ZNF827: variants seen among roughly 807,000 people sequenced by gnomAD.
ZNF827 encodes the protein zinc finger protein 827.
A neutral mutation model predicts 102.4 loss-of-function variants in ZNF827; 13 were observed. The observed-to-expected ratio is 0.13, with a 90% CI of 0.08 to 0.20. The LOEUF (loss-of-function observed/expected upper bound fraction) is 0.20. ZNF827 is among the 10% of genes least tolerant of loss of function. The pLI is 1.00. For missense variants in ZNF827, 1,103 were observed against 1,344.4 expected, an observed-to-expected ratio of 0.82 and a Z score of 2.81; for synonymous variants, 523 against 536.2, an observed-to-expected ratio of 0.98 and a Z score of 0.34.
At position 145,853,768 on chromosome 4, in the gene ZNF827, C is replaced by T. The variant is rs143308716; in HGVS notation, c.1982-4207G>A. Among the ~76,000 whole-genome samples the T allele has an allele frequency of 2.6e-5, 4 of 152,124 alleles. No homozygotes were observed. In the East Asian group the frequency reaches 7.7e-4, roughly 29 times the overall value. The stretch of plus-strand genomic sequence containing the variant: ...TTGCATGAACCCAGCAGTTTGGAGA[C>T]CAGCCTGGCCAACATGGCAAAACCC... On this transcript the variant is annotated intron_variant, in intron 5 of 14. Coordinates refer to ENST00000508784, the MANE Select transcript of ZNF827 (RefSeq NM_001306215.2).
chr4:145,905,390 A>G (rs961496972), intron 1 of ZNF827, among the ~76,000 whole-genome samples: 1 of 152,244 alleles, frequency 6.6e-6, no homozygotes, highest in Non-Finnish European at 1.5e-5. Context: ...CTCTTTCACG[A>G]AGCTAAAATT....
intron 1 of ZNF827, among the ~76,000 whole-genome samples, chr4:145,937,811 G>C (rs1356435473): frequency 6.7e-6 from 1 of 149,924 alleles, no homozygotes; most frequent in Non-Finnish European, 1.5e-5. Flanking sequence ...AGCCAGGGAC[G>C]GACCTCTCCC....
chr4:145,780,060 G>C (rs894792213), intron 8 of ZNF827, among the ~76,000 whole-genome samples: 73 of 152,232 alleles, frequency 4.8e-4, no homozygotes, highest in African/African-American at 1.7e-3. Flanking sequence ...GCATGGTGGC[G>C]GGTGCCTGTA....
chr4:145,916,427 G>A (rs990100400), intron 1 of ZNF827, among the ~76,000 whole-genome samples: 2 of 152,174 alleles, frequency 1.3e-5, no homozygotes, highest in African/African-American at 4.8e-5. Context: ...GCAGCCCTAG[G>A]CAGCAAGCCC....
At chr4:145,805,816 G>A (rs1008632570) in intron 8 of ZNF827, among the ~76,000 whole-genome samples, 1 of 152,002 alleles carries the variant, frequency 6.6e-6, no homozygotes, top group African/African-American at 2.4e-5. Context: ...TGACGTCAGG[G>A]CCTTGTTGCT....
At chr4:145,810,993 CT>C (rs34011180) in intron 8 of ZNF827, among the ~76,000 whole-genome samples, 40,982 of 137,770 alleles carry the variant, frequency 0.3, 5,437 homozygotes, top group Middle Eastern at 0.33. Flanking sequence ...ACTCATTTCG[CT>C]TTTTTTTTTT....
chr4:145,871,041 G>C (rs890769100), intron 4 of ZNF827, among the ~76,000 whole-genome samples: 7 of 151,810 alleles, frequency 4.6e-5, no homozygotes, highest in African/African-American at 1.7e-4. Flanking sequence ...ACTTAGCACT[G>C]TTCTTCTGAT....
At chr4:145,851,085 G>A (rs1746480382) in intron 5 of ZNF827, among the ~76,000 whole-genome samples, 2 of 152,164 alleles carry the variant, frequency 1.3e-5, no homozygotes, top group South Asian at 4.1e-4. Context: ...AAACCAAGGA[G>A]TCCCTGCAGC....
intron 11 of ZNF827, among the ~76,000 whole-genome samples, chr4:145,769,226 GTA>G (rs1339584555): frequency 6.6e-6 from 1 of 151,318 alleles, no homozygotes; most frequent in East Asian, 1.9e-4. Flanking sequence ...AGGAGCAATG[GTA>G]TATGACTTTA....
chr4:145,905,903 A>C (rs2126903350), intron 1 of ZNF827, among the ~76,000 whole-genome samples: 1 of 152,334 alleles, frequency 6.6e-6, no homozygotes, highest in South Asian at 2.1e-4. Context: ...TATATTATTC[A>C]AATTTAAATA....
intron 1 of ZNF827, among the ~76,000 whole-genome samples, chr4:145,928,661 G>T (rs1561088798): frequency 6.6e-6 from 1 of 152,212 alleles, no homozygotes. Context: ...TTGTGTCACG[G>T]CTGCAATGTG....
At chr4:145,769,289 A>G (rs555082490) in intron 11 of ZNF827, among the ~76,000 whole-genome samples, 5 of 152,204 alleles carry the variant, frequency 3.3e-5, no homozygotes, top group Admixed American at 2.0e-4. Context: ...AACTAGTACC[A>G]TTATTGCCAT....
intron 2 of ZNF827, among the ~76,000 whole-genome samples, chr4:145,899,589 C>T (rs1751251704): frequency 6.6e-6 from 1 of 152,212 alleles, no homozygotes; most frequent in Non-Finnish European, 1.5e-5. Flanking sequence ...ACAAACAGAA[C>T]TTGAACGTAG....
At chr4:145,937,528 G>T (rs1038128388) in intron 1 of ZNF827, among the ~76,000 whole-genome samples, 15 of 147,044 alleles carry the variant, frequency 1.0e-4, no homozygotes, top group African/African-American at 3.4e-4. Context: ...CCCCACATCC[G>T]CCCGCCGCTG....
At chr4:145,932,460 A>T (rs1753880319) in intron 1 of ZNF827, among the ~76,000 whole-genome samples, 1 of 149,702 alleles carries the variant, frequency 6.7e-6, no homozygotes, top group Non-Finnish European at 1.5e-5. Context: ...TGTTGACATT[A>T]ATAGAACTCC....
rs562020943 is a variant in ZNF827, at chr4:145,759,936, G to A, written c.*1680C>T. The A allele has an allele frequency of 1.3e-5, 2 of 152,228 alleles. No individual in the cohort carries two copies. The highest frequency in any genetic ancestry group is 3.9e-4 in the East Asian group (2 of 5,178). 9.4% of individuals were successfully genotyped at this position (152,228 alleles called of 1,614,324 possible). On this transcript the variant is annotated 3_prime_UTR_variant, in exon 15 of 15. Transcript: ENST00000508784. ...ATCTGCCCTTAAAAAATGATGCACT[G>A]TGTGTGTGCACCGTACACATTTGTC...
At position 145,894,481 on chromosome 4, in the gene ZNF827, A is replaced by G. The variant is rs564361499; in HGVS notation, c.1094-2066T>C. On this transcript the variant is annotated intron_variant, in intron 2 of 14. Coordinates refer to ENST00000508784, the MANE Select transcript of ZNF827 (RefSeq NM_001306215.2). ...GAGTATACTTTAAAATAATCTCATC[A>G]TGTATTTACTGGGTCAACTGAGTCT... Among the ~76,000 whole-genome samples the G allele has an allele frequency of 2.6e-5, 4 of 152,322 alleles. No individual in the cohort carries two copies. The East Asian group carries it at 5.8e-4, about 22-fold the overall frequency.
At chr4:145,843,439 A>AT (rs1015612676) in intron 7 of ZNF827, among the ~76,000 whole-genome samples, 9 of 152,020 alleles carry the variant, frequency 5.9e-5, no homozygotes, top group South Asian at 2.1e-4. Context: ...GGTTAAAAAA[A>AT]TTTTTTTTCT....
rs1007633391 is a variant in ZNF827, at chr4:145,796,535, G to A, written c.2384-17024C>T. On this transcript the variant is annotated intron_variant, in intron 8 of 14. Coordinates refer to ENST00000508784, the MANE Select transcript of ZNF827 (RefSeq NM_001306215.2). ...ACCTTAACCCCTGTGCAGGAAACAC[G>A]GTGACAGCAATAATACAATTTACTG... 1.3e-4 allele frequency among the ~76,000 whole-genome samples: 20 copies of A among 152,026 alleles called. 1 individual carries two copies. The highest frequency in any genetic ancestry group is 1.0e-3 in the South Asian group (5 of 4,810).
Sources: allele counts gnomAD v4.1 joint callset (sites outside exome capture counted in the v4.1 genomes callset), GRCh38; gene constraint gnomAD v4.1.1; transcripts MANE v1.5; gene names NCBI Gene and HGNC (gene_info 2026-07-23, HGNC 2026-07-21).